Variants in CELSR1 observed in about 807,000 individuals in gnomAD.
CELSR1 encodes the protein adhesion G protein-coupled receptor C1.
A neutral mutation model predicts 249.1 loss-of-function variants in CELSR1; 110 were observed. That is an observed-to-expected ratio of 0.44 (90% CI 0.38 to 0.52). The LOEUF is 0.52. Among genes scored for constraint, CELSR1 ranks in the 20% least tolerant of loss-of-function variants. CELSR1 has a pLI of 0.00. For missense variants in CELSR1, 4,109 were observed against 4,296.4 expected (o/e 0.96, Z 1.22); for synonymous variants, 2,113 against 1,900.0 (o/e 1.11, Z -2.92).
At chr22:46,384,473 G>A (rs1040008000) in intron 20 of CELSR1, 70 bp downstream of exon 20, 114 of 1,494,050 alleles carry the variant, frequency 7.6e-5, no homozygotes, top group Middle Eastern at 1.7e-4. Context: ...TGCGATGCCC[G>A]CAGCGGGGCC....
chr22:46,466,355 C>T (rs974496070), intron 1 of CELSR1, among the ~76,000 whole-genome samples: 2 of 152,340 alleles, frequency 1.3e-5, no homozygotes, highest in South Asian at 4.1e-4. Context: ...GCAGGAAACA[C>T]GTCCTCCAGT....
At chr22:46,365,468 C>T (rs1409303204) in intron 31 of CELSR1, 88 bp from the exon 32 acceptor site, 1 of 1,566,922 alleles carries the variant, frequency 6.4e-7, no homozygotes, top group Non-Finnish European at 8.7e-7. Flanking sequence ...GGGCCCCTGG[C>T]ATGCTGACGC....
intron 1 of CELSR1, among the ~76,000 whole-genome samples, chr22:46,513,278 A>C (rs367883231): frequency 5.3e-5 from 8 of 152,292 alleles, no homozygotes; most frequent in African/African-American, 1.9e-4. Context: ...CAACACAGGG[A>C]AGAGTGTTCA....
intron 5 of CELSR1, among the ~76,000 whole-genome samples, chr22:46,420,894 G>A (rs1001780651): frequency 1.3e-5 from 2 of 152,156 alleles, no homozygotes; most frequent in African/African-American, 4.8e-5. Flanking sequence ...GAGCATGGAA[G>A]CGCCTGGATA....
rs79126614 is a variant in CELSR1, at chr22:46,445,502, G to A, written c.4184-6091C>T. Among the ~76,000 whole-genome samples, 6,672 of 152,010 alleles carry A rather than the reference G, an allele frequency of 0.044. 460 individuals are homozygous for A. Among genetic ancestry groups the A allele is most frequent in the African/African-American group, 0.14 (5,949 of 41,452 alleles). Reference sequence around the variant, plus strand: ...AGAGCAAGACTGTCTCTAAAAAAATGAATAAAAAATAAAGACACCAGTCAT... The same window carrying A: ...AGAGCAAGACTGTCTCTAAAAAAATAAATAAAAAATAAAGACACCAGTCAT... On this transcript the variant is annotated intron_variant, in intron 2 of 34. Coordinates refer to ENST00000674500, the MANE Select transcript of CELSR1 (RefSeq NM_001378328.1). This position sits in a 1 kb window ranked among gnomAD's most constrained non-coding sequence, Gnocchi z 4.4.
intron 5 of CELSR1, among the ~76,000 whole-genome samples, chr22:46,424,152 G>T (rs1429578586): frequency 6.6e-6 from 1 of 151,826 alleles, no homozygotes; most frequent in East Asian, 1.9e-4. Flanking sequence ...CAACAGCCTC[G>T]ACCTTCCAGG....
At chr22:46,514,340 C>G (rs938770244) in intron 1 of CELSR1, among the ~76,000 whole-genome samples, 1 of 152,146 alleles carries the variant, frequency 6.6e-6, no homozygotes, top group Non-Finnish European at 1.5e-5. Flanking sequence ...TAAGCCACAC[C>G]TCAACTGCGG....
At chr22:46,475,246 GA>G (rs768492118) in intron 1 of CELSR1, among the ~76,000 whole-genome samples, 5 of 151,966 alleles carry the variant, frequency 3.3e-5, no homozygotes, top group Admixed American at 1.3e-4. Flanking sequence ...TATTATTACT[GA>G]AAAAAACCCA....
rs537728041 is a variant in CELSR1 at position 46,392,905 on chromosome 22, C to T, written c.5965-1089G>A. ...AATCGTAGGCAAGTTTTCGCCAATG[C>T]ACTCCCCATGTTCTCTCTGCTCTGC... On this transcript the variant is annotated intron_variant, in intron 14 of 34. Coordinates refer to ENST00000674500, the MANE Select transcript of CELSR1 (RefSeq NM_001378328.1). 4.6e-5 allele frequency among the ~76,000 whole-genome samples: 7 copies of T among 152,312 alleles called. No homozygotes were observed. In the South Asian group the frequency reaches 1.2e-3, roughly 27 times the overall value.
At chr22:46,372,715 A>G (rs2078868823) in intron 25 of CELSR1, among the ~76,000 whole-genome samples, 168 bp downstream of exon 25, 1 of 152,076 alleles carries the variant, frequency 6.6e-6, no homozygotes, top group South Asian at 2.1e-4. Context: ...GGTGTCTGCG[A>G]GTGCCCCTGT....
In CELSR1 at chr22:46,472,877, TGTGTC is replaced by T. The variant is rs1257767558; in HGVS notation, c.3545-8537_3545-8533del. ...TGCGCCAAGTGGCTATGGCTCTCCC[TGTGTC>T]GTCACGGCTCTGTCTTCTGTTCACC... is the stretch of plus-strand genomic sequence containing the variant. On this transcript the variant is annotated intron_variant, in intron 1 of 34. Transcript: ENST00000674500. This position sits in a 1 kb window ranked among gnomAD's most constrained non-coding sequence, Gnocchi z 7.0. Among the ~76,000 whole-genome samples, 2 of 152,158 alleles carry T rather than the reference TGTGTC, an allele frequency of 1.3e-5. No individual in the cohort carries two copies. The highest frequency in any genetic ancestry group is 4.1e-4 in the South Asian group (2 of 4,828).
Position 46,386,543 on chromosome 22 carries a change from T to A in CELSR1, c.6598A>T (p.Arg2200Trp). 6.3e-7 allele frequency: 1 copy of A among 1,598,500 alleles called. No homozygotes were observed. Among genetic ancestry groups the A allele is most frequent in the African/African-American group, 1.3e-5 (1 of 74,634 alleles). Reference sequence around the variant, plus strand: ...CGCTGGATCTGCTCCCACGCCGCCCTGGTGGCTGGGGCCAGGAGGGCGCTG... The same window carrying A: ...CGCTGGATCTGCTCCCACGCCGCCCAGGTGGCTGGGGCCAGGAGGGCGCTG... ...SGSALLAPAT[R>W]AAWEQIQRSE... is the part of the protein sequence containing the mutation. Residue 2200 changes from arginine to tryptophan, a missense_variant, in exon 19 of 35, where the codon AGG becomes TGG. Physicochemically the swap from Arg to Trp is moderately radical, Grantham distance 101 (BLOSUM62 -3). Coordinates refer to ENST00000674500, the MANE Select transcript of CELSR1 (RefSeq NM_001378328.1).
chr22:46,385,601 G>A (rs11090872), intron 19 of CELSR1, among the ~76,000 whole-genome samples: 17,924 of 151,938 alleles, frequency 0.12, 1,359 homozygotes, highest in African/African-American at 0.21. Flanking sequence ...TGGGAGCCAC[G>A]GGTACGTCAT....
chr22:46,448,634 A>T lies in CELSR1; in HGVS notation c.4184-9223T>A, dbSNP rs2079847785. 5.0e-6 allele frequency: 2 copies of T among 402,900 alleles called. No homozygotes were observed. The highest frequency in any genetic ancestry group is 6.3e-5 in the Admixed American group (2 of 31,822). The allele number at this position is 402,900 out of a possible 1,614,324, so 25.0% of individuals were successfully genotyped here. ...CACAATGGTAAAACTCAAGCACTTGATGAAGGCTTAGTTTATGCAGAATTA... is the reference window on the plus strand; with the variant it reads ...CACAATGGTAAAACTCAAGCACTTGTTGAAGGCTTAGTTTATGCAGAATTA... On this transcript the variant is annotated intron_variant, in intron 2 of 34. Coordinates refer to ENST00000674500, the MANE Select transcript of CELSR1 (RefSeq NM_001378328.1). This position sits in a 1 kb window ranked among gnomAD's most constrained non-coding sequence, Gnocchi z 5.7.
At position 46,364,135 on chromosome 22, in the gene CELSR1, T is replaced by C. The variant is rs752476300; in HGVS notation, c.8896A>G (p.Thr2966Ala). ...DCEQSPTSSR[T>A]SSLGSGGPDC... ...GGGCCGCCAGAGCCCAGGGAAGACGTGCGCGAGGATGTGGGGCTCTGCTCA... is the reference window on the plus strand; with the variant it reads ...GGGCCGCCAGAGCCCAGGGAAGACGCGCGCGAGGATGTGGGGCTCTGCTCA... Residue 2966 changes from threonine (T) to alanine (A), a missense_variant, in exon 34 of 35, where the codon ACG becomes GCG. This residue lies in a region of CELSR1 where 1,805 missense variants were observed against 1,831.6 expected (regional missense o/e 0.99). Coordinates refer to ENST00000674500, the MANE Select transcript of CELSR1 (RefSeq NM_001378328.1). The C allele has an allele frequency of 4.4e-6, 7 of 1,607,554 alleles. No homozygotes were observed. In the Admixed American group the frequency reaches 6.7e-5, roughly 15 times the overall value.
At chr22:46,479,486 G>A (rs192403409) in intron 1 of CELSR1, among the ~76,000 whole-genome samples, 13 of 152,082 alleles carry the variant, frequency 8.5e-5, no homozygotes, top group East Asian at 7.8e-4. Context: ...TGGCTGAACC[G>A]GCACTGCAGC....
In CELSR1 at chr22:46,380,097, C is replaced by T. The variant is rs1483055281; in HGVS notation, c.7256+691G>A. Among the ~76,000 whole-genome samples, 1 of 152,222 alleles carries T rather than the reference C, an allele frequency of 6.6e-6. No individual in the cohort carries two copies. The highest frequency in any genetic ancestry group is 1.5e-5 in the Non-Finnish European group (1 of 68,038). ...ACAAACACTACTGGCTCCCAGCAGA[C>T]GGGAGCCACACTGTGGTGCTGAATC... On this transcript the variant is annotated intron_variant, in intron 22 of 34. Coordinates refer to ENST00000674500, the MANE Select transcript of CELSR1 (RefSeq NM_001378328.1). The surrounding 1 kb of genome is among the most constrained non-coding windows in gnomAD (Gnocchi z 5.1).
chr22:46,485,462 T>G (rs187111235), intron 1 of CELSR1, among the ~76,000 whole-genome samples: 1 of 152,330 alleles, frequency 6.6e-6, no homozygotes, highest in East Asian at 1.9e-4. Context: ...AAGCTCCGTT[T>G]GGACGGGAGG....
intron 1 of CELSR1, among the ~76,000 whole-genome samples, chr22:46,470,992 G>A (rs888583105): frequency 4.6e-5 from 7 of 152,078 alleles, no homozygotes; most frequent in African/African-American, 1.7e-4. Context: ...GGGCGTTGTG[G>A]TGCACATCTG....
Sources: gnomAD v4.1 joint callset for allele counts (sites outside exome capture counted in the v4.1 genomes callset) on GRCh38, gnomAD v4.1.1 for gene constraint, gnomAD v4.1.1 regional missense constraint, Gnocchi (gnomAD v3.1) non-coding constraint, MANE v1.5 for transcripts, NCBI Gene and HGNC (gene_info 2026-07-23, HGNC 2026-07-21) for gene names.